ATF6: variants seen among roughly 807,000 people sequenced by gnomAD.
ATF6 encodes cyclic AMP-dependent transcription factor ATF-6 alpha.
Under a neutral mutation model 83.6 loss-of-function variants are expected in ATF6, and 53 were observed. The ratio of observed to expected loss-of-function variants is 0.63; its 90% CI spans 0.51 to 0.80. The LOEUF (loss-of-function observed/expected upper bound fraction) is 0.80, where lower values mean the gene tolerates loss of function less well. Ranked by LOEUF, ATF6 falls within the 30% of genes least tolerant of loss-of-function variation. ATF6 has a pLI of 0.00. For missense variants in ATF6, 744 were observed against 797.9 expected (o/e 0.93, Z 0.81); for synonymous variants, 288 against 285.8 (o/e 1.01, Z -0.08).
intron 1 of ATF6, among the ~76,000 whole-genome samples, chr1:161,776,599 ATAAT>A (rs3075492): frequency 0.12 from 18,450 of 152,146 alleles, 1,653 homozygotes; most frequent in East Asian, 0.31. Context: ...AGAGAAGTAA[ATAAT>A]TAAGTAATAA....
chr1:161,863,381 A>G, intron 14 of ATF6, 69 bp downstream of exon 14: 1 of 996,818 alleles, frequency 1.0e-6, no homozygotes, highest in Non-Finnish European at 1.6e-6. Context: ...ATTGGGCTGA[A>G]TATTGTGGAA....
At chr1:161,904,214 C>G (rs1444018119) in intron 14 of ATF6, among the ~76,000 whole-genome samples, 2 of 152,126 alleles carry the variant, frequency 1.3e-5, no homozygotes, top group African/African-American at 4.8e-5. Flanking sequence ...TAAATGAAAT[C>G]CTTTTTAGAA....
intron 7 of ATF6, among the ~76,000 whole-genome samples, chr1:161,803,431 A>G (rs1685204849): frequency 6.6e-6 from 1 of 152,232 alleles, no homozygotes; most frequent in Non-Finnish European, 1.5e-5. Flanking sequence ...ACTAGAGACC[A>G]TGGACAGTAC....
chr1:161,787,579 T>G (rs1165516996), intron 4 of ATF6, among the ~76,000 whole-genome samples: 1 of 152,190 alleles, frequency 6.6e-6, no homozygotes, highest in Non-Finnish European at 1.5e-5. Context: ...TCCACCAGGC[T>G]ACTTCTCTGC....
intron 15 of ATF6, among the ~76,000 whole-genome samples, chr1:161,950,142 C>A (rs747131797): frequency 5.9e-5 from 9 of 152,140 alleles, no homozygotes; most frequent in Non-Finnish European, 1.3e-4. Flanking sequence ...TTTTAAGATT[C>A]CATTTTATCA....
intron 9 of ATF6, among the ~76,000 whole-genome samples, chr1:161,834,173 G>A (rs1475654189): frequency 3.3e-5 from 5 of 152,114 alleles, no homozygotes; most frequent in African/African-American, 9.7e-5. Context: ...ATAAGTGAAG[G>A]AGAAATAAAA....
intron 5 of ATF6, 71 bp from the exon 6 acceptor site, chr1:161,792,053 A>T: frequency 7.8e-7 from 1 of 1,288,446 alleles, no homozygotes; most frequent in Non-Finnish European, 1.1e-6. Flanking sequence ...AAGGTGTGTG[A>T]TAGAATCTGT....
chr1:161,801,014 A>T (rs1685131176), intron 6 of ATF6, among the ~76,000 whole-genome samples: 1 of 152,164 alleles, frequency 6.6e-6, no homozygotes, highest in Non-Finnish European at 1.5e-5. Context: ...CATTGTCATT[A>T]TTATAGATTG....
chr1:161,821,233 C>A, intron 9 of ATF6, 72 bp downstream of exon 9: 3 of 1,039,524 alleles, frequency 2.9e-6, no homozygotes, highest in South Asian at 3.1e-5. Context: ...TAGCTTTTGT[C>A]ATAAACTAGA....
At chr1:161,864,411 A>T (rs1052199982) in intron 14 of ATF6, among the ~76,000 whole-genome samples, 1 of 152,164 alleles carries the variant, frequency 6.6e-6, no homozygotes, top group Admixed American at 6.5e-5. Context: ...CCAGTCCTCC[A>T]CATATACAGA....
intron 4 of ATF6, among the ~76,000 whole-genome samples, chr1:161,785,885 G>A (rs1306131260): frequency 6.6e-6 from 1 of 151,638 alleles, no homozygotes; most frequent in East Asian, 1.9e-4. Context: ...TTATAAGTAT[G>A]GTTAAATAAT....
At chr1:161,910,724 A>G (rs139337633) in intron 14 of ATF6, among the ~76,000 whole-genome samples, 1 of 152,356 alleles carries the variant, frequency 6.6e-6, no homozygotes, top group Non-Finnish European at 1.5e-5. Context: ...TAAGCTATGT[A>G]TAACTTTCAT....
At chr1:161,771,570 T>C (rs1172425925) in intron 1 of ATF6, among the ~76,000 whole-genome samples, 2 of 152,204 alleles carry the variant, frequency 1.3e-5, no homozygotes, top group Admixed American at 1.3e-4. Context: ...TATCCCATCC[T>C]CTACCTCTCC....
chr1:161,854,653 C>T (rs564913044), intron 12 of ATF6, among the ~76,000 whole-genome samples: 87 of 152,182 alleles, frequency 5.7e-4, no homozygotes, highest in African/African-American at 2.0e-3. Flanking sequence ...TGGTGGATCA[C>T]GAGGTCAGGA....
At chr1:161,872,570 A>G (rs758771849) in intron 14 of ATF6, among the ~76,000 whole-genome samples, 9 of 151,662 alleles carry the variant, frequency 5.9e-5, no homozygotes, top group Non-Finnish European at 1.3e-4. Flanking sequence ...ATGAAGGAAA[A>G]TAAATCAACT....
chr1:161,956,474 C>G (rs142077954), intron 15 of ATF6, among the ~76,000 whole-genome samples: 14 of 152,190 alleles, frequency 9.2e-5, no homozygotes, highest in East Asian at 1.9e-4. Context: ...TTTGGAAAAC[C>G]CTTTGATGAG....
chr1:161,834,278 A>C (rs981768808), intron 9 of ATF6, among the ~76,000 whole-genome samples: 1 of 152,156 alleles, frequency 6.6e-6, no homozygotes, highest in Non-Finnish European at 1.5e-5. Flanking sequence ...GAAAGGATTT[A>C]TAATCCCAAA....
intron 15 of ATF6, among the ~76,000 whole-genome samples, chr1:161,923,108 T>C (rs530685788): frequency 6.6e-6 from 1 of 152,350 alleles, no homozygotes; most frequent in East Asian, 1.9e-4. Flanking sequence ...AGAATACTTC[T>C]GTAGGTCCTA....
intron 6 of ATF6, among the ~76,000 whole-genome samples, chr1:161,794,946 A>T (rs1557964129): frequency 6.6e-6 from 1 of 152,192 alleles, no homozygotes; most frequent in Non-Finnish European, 1.5e-5. Context: ...ATAGAGAGGA[A>T]GGTGTCTAGG....
Sources: allele counts gnomAD v4.1 joint callset (sites outside exome capture counted in the v4.1 genomes callset), GRCh38; gene constraint gnomAD v4.1.1; transcripts MANE v1.5; gene names NCBI Gene and HGNC (gene_info 2026-07-23, HGNC 2026-07-21).